Variants in FLNC observed in about 807,000 individuals in gnomAD.
The protein encoded by FLNC is filamin C.
Under a neutral mutation model 254.3 loss-of-function variants are expected in FLNC, and 91 were observed. The ratio of observed to expected loss-of-function variants is 0.36; its 90% CI spans 0.30 to 0.43. The LOEUF is 0.43. Ranked by LOEUF, FLNC falls within the 20% of genes least tolerant of loss-of-function variation. The pLI, the probability that FLNC is intolerant of heterozygous loss-of-function variation, is 1.00. For missense variants in FLNC, 2,853 were observed against 3,802.6 expected, an observed-to-expected ratio of 0.75 and a Z score of 6.57; for synonymous variants, 1,430 against 1,577.2, an observed-to-expected ratio of 0.91 and a Z score of 2.21.
chr7:128,855,016 C>A lies in FLNC; in HGVS notation c.7135+104C>A, dbSNP rs959893294. 3.1e-6 allele frequency: 4 copies of A among 1,270,710 alleles called. No homozygotes were observed. In the Admixed American group the frequency reaches 6.8e-5, roughly 21 times the overall value. The allele number at this position is 1,270,710 out of a possible 1,614,324, so 78.7% of individuals were successfully genotyped here. On this transcript the variant is annotated intron_variant, in intron 42 of 47. Transcript: ENST00000325888. ...ATGCTTGGGGCCACAGAACTCCCCTCCCCGGAGCCCCCTGCTCTTCCTCTG... is the reference window on the plus strand; with the variant it reads ...ATGCTTGGGGCCACAGAACTCCCCTACCCGGAGCCCCCTGCTCTTCCTCTG...
At position 128,841,540 on chromosome 7, in the gene FLNC, C is replaced by T. The variant is rs1585156683; in HGVS notation, c.2094C>T (p.Gly698=). Residue 698 remains glycine, a synonymous_variant, in exon 13 of 48, where the codon GGC becomes GGT. Coordinates refer to ENST00000325888, the MANE Select transcript of FLNC (RefSeq NM_001458.5). This position sits in a 1 kb window ranked among gnomAD's most constrained non-coding sequence, Gnocchi z 4.3. The part of the protein sequence containing the change: ...AEFTIDARAA[G]KGDLKLYAQD... ...TCACCATTGATGCTCGTGCAGCTGG[C>T]AAGGGAGACCTGAAGCTCTATGCCC... 1.9e-6 allele frequency: 3 copies of T among 1,613,922 alleles called. No individual in the cohort carries two copies. Among genetic ancestry groups the T allele is most frequent in the South Asian group, 1.1e-5 (1 of 91,084 alleles).
rs751370304 is a variant in FLNC, at chr7:128,841,712, G to A, written c.2121+145G>A. On this transcript the variant is annotated intron_variant, in intron 13 of 47. Transcript: ENST00000325888. The surrounding 1 kb of genome is among the most constrained non-coding windows in gnomAD (Gnocchi z 4.3). ...AGGACTGATACTCATGGGCCCATCA[G>A]TACCATGGAAAATTTTAAATTTTGT... 6.1e-5 allele frequency: 42 copies of A among 683,912 alleles called. No individual in the cohort carries two copies. The highest frequency in any genetic ancestry group is 1.0e-4 in the Admixed American group (4 of 39,718). The allele number at this position is 683,912 out of a possible 1,614,324, so 42.4% of individuals were successfully genotyped here.
rs372467579 is a variant in FLNC at position 128,844,166 on chromosome 7, C to A, written c.3092C>A (p.Pro1031Gln). ...GCCCAGGCTGTGCGCTACATGCCCC[C>A]GGAGGAGGGGCCCTACAAGGTGGAT... is the stretch of plus-strand genomic sequence containing the variant. ...AEAQAVRYMPPEEGPYKVDIT... is the reference protein window; with the variant it reads ...AEAQAVRYMPQEEGPYKVDIT... Residue 1031 changes from proline to glutamine, a missense_variant, in exon 20 of 48, where the codon CCG (proline) becomes CAG (glutamine). This residue lies in a region of FLNC where 1,573 missense variants were observed against 1,883.5 expected (regional missense o/e 0.84). Transcript: ENST00000325888. The A allele has an allele frequency of 1.2e-6, 2 of 1,613,758 alleles. No individual in the cohort carries two copies. The highest frequency in any genetic ancestry group is 1.3e-5 in the African/African-American group (1 of 74,944).
intron 26 of FLNC, 45 bp from the exon 27 acceptor site, chr7:128,848,516 C>G: frequency 6.2e-7 from 1 of 1,607,756 alleles, no homozygotes. Context: ...CCCACCGCCC[C>G]GTCCATGCCA....
At chr7:128,837,096 A>T in intron 2 of FLNC, 64 bp from the exon 3 acceptor site, 2 of 1,140,794 alleles carry the variant, frequency 1.8e-6, no homozygotes, top group Non-Finnish European at 2.6e-6. Context: ...TTGGGTGAAC[A>T]AATGCCCTGC....
rs773389369 is a variant in FLNC at position 128,840,533 on chromosome 7, C to G, written c.1550-15C>G. The G allele has an allele frequency of 6.2e-7, 1 of 1,614,124 alleles. No homozygotes were observed. The highest frequency in any genetic ancestry group is 8.5e-7 in the Non-Finnish European group (1 of 1,180,012). ...TTGATCTGCCTTCTTCCCCACCCTG[C>G]CCCCATCTCCTCAGAGGGCACAGAG... On this transcript the variant is annotated splice_polypyrimidine_tract_variant and intron_variant, in intron 9 of 47. Transcript: ENST00000325888.
At position 128,838,081 on chromosome 7, in the gene FLNC, C is replaced by T. The variant is rs1477732116; in HGVS notation, c.1047+17C>T. ...TTACACAAGGTATCTCCCTCTAGGC[C>T]CCCCTGCCTGCGCTGCTCTTCACAT... On this transcript the variant is annotated intron_variant, in intron 6 of 47. Coordinates refer to ENST00000325888, the MANE Select transcript of FLNC (RefSeq NM_001458.5). 1.2e-6 allele frequency: 2 copies of T among 1,605,232 alleles called. No individual in the cohort carries two copies. Among genetic ancestry groups the T allele is most frequent in the East Asian group, 2.2e-5 (1 of 44,830 alleles).
Position 128,843,265 on chromosome 7 carries a change from C to T in FLNC, c.2587C>T (p.Pro863Ser), listed in dbSNP as rs754750752. Residue 863 changes from proline (P) to serine (S), a missense_variant, in exon 17 of 48, where the codon CCA becomes TCA. Transcript: ENST00000325888. ...CAGCCCCTTCCACATCAAGGTGGACCCATCCCACGATGCCAGCAAAGTCAA... is the reference window on the plus strand; with the variant it reads ...CAGCCCCTTCCACATCAAGGTGGACTCATCCCACGATGCCAGCAAAGTCAA... Reference protein sequence around the residue: ...PASPFHIKVDPSHDASKVKAE... With the variant: ...PASPFHIKVDSSHDASKVKAE... 4.3e-6 allele frequency: 7 copies of T among 1,610,420 alleles called. No homozygotes were observed. In the East Asian group the frequency reaches 1.3e-4, roughly 31 times the overall value.
At chr7:128,846,970 A>T in intron 24 of FLNC, 65 bp downstream of exon 24, 3 of 1,586,780 alleles carry the variant, frequency 1.9e-6, no homozygotes, top group Non-Finnish European at 2.6e-6. Flanking sequence ...CTCGCCCCAC[A>T]AGGGGGAAAC....
rs1809164468 is a variant in FLNC, at chr7:128,858,458, A to C, written c.8113A>C (p.Ile2705Leu). ...CACTGTCAAGGAGAAAGGGGACTAC[A>C]TCCTCATTGTCAAGTGGGGTGACGA... ...TYTVKEKGDY[I>L]LIVKWGDESV... Residue 2705 changes from isoleucine to leucine, a missense_variant, in exon 48 of 48, where the codon ATC becomes CTC. Ile to Leu is a conservative substitution (Grantham distance 5, BLOSUM62 2). This residue lies in a region of FLNC where 197 missense variants were observed against 351.5 expected (regional missense o/e 0.56). Transcript: ENST00000325888. The surrounding 1 kb of genome is among the most constrained non-coding windows in gnomAD (Gnocchi z 6.7). 6.2e-7 allele frequency: 1 copy of C among 1,613,782 alleles called. No individual in the cohort carries two copies. Among genetic ancestry groups the C allele is most frequent in the Non-Finnish European group, 8.5e-7 (1 of 1,179,924 alleles).
At position 128,837,628 on chromosome 7, in the gene FLNC, G is replaced by C; in HGVS notation, c.851-9G>C. On this transcript the variant is annotated splice_polypyrimidine_tract_variant and intron_variant, in intron 4 of 47. Transcript: ENST00000325888. ...CCTGAGTAACCTGGGCTCTGCTCCT[G>C]CCCCGTAGGCATCGAGCCACAGGGC... 6.2e-7 allele frequency: 1 copy of C among 1,612,602 alleles called. No individual in the cohort carries two copies. The highest frequency in any genetic ancestry group is 8.5e-7 in the Non-Finnish European group (1 of 1,179,994).
At position 128,854,546 on chromosome 7, in the gene FLNC, G is replaced by A. The variant is rs773130088; in HGVS notation, c.6861G>A (p.Thr2287=). 1.7e-5 allele frequency: 28 copies of A among 1,607,668 alleles called. No individual in the cohort carries two copies. The highest frequency in any genetic ancestry group is 7.8e-5 in the South Asian group (7 of 90,090). Reference sequence around the variant, plus strand: ...TGCCCCAGGAAATGGGGCCCCATACGGTCGCTGTCAAGTACCGTGGCCAGC... The same window carrying A: ...TGCCCCAGGAAATGGGGCCCCATACAGTCGCTGTCAAGTACCGTGGCCAGC... The part of the protein sequence containing the change: ...RFVPQEMGPH[T]VAVKYRGQHV... Residue 2287 remains threonine (T), a synonymous_variant, in exon 41 of 48, where the codon ACG becomes ACA. Transcript: ENST00000325888.
rs1028509412 is a variant in FLNC at position 128,842,098 on chromosome 7, G to T, written c.2122-133G>T. The T allele has an allele frequency of 5.4e-6, 5 of 927,200 alleles. No individual in the cohort carries two copies. Among genetic ancestry groups the T allele is most frequent in the Non-Finnish European group, 8.4e-6 (5 of 594,052 alleles). The allele number at this position is 927,200 out of a possible 1,614,324, so 57.4% of individuals were successfully genotyped here. On this transcript the variant is annotated intron_variant, in intron 13 of 47. Transcript: ENST00000325888. The surrounding 1 kb of genome is among the most constrained non-coding windows in gnomAD (Gnocchi z 5.4). ...GAGCACGTGGCCCTGGGCTCTGGTG[G>T]CCTCAGTGGCTGGTGTGGGGGCGGG...
intron 31 of FLNC, 142 bp downstream of exon 31, chr7:128,850,216 C>A: frequency 1.1e-6 from 1 of 918,872 alleles, no homozygotes; most frequent in Non-Finnish European, 1.7e-6. Flanking sequence ...CAGATGGAAC[C>A]CCACTTGGGC....
At position 128,844,713 on chromosome 7, in the gene FLNC, T is replaced by G; in HGVS notation, c.3248T>G (p.Phe1083Cys). 6.2e-7 allele frequency: 1 copy of G among 1,613,710 alleles called. No homozygotes were observed. The highest frequency in any genetic ancestry group is 8.5e-7 in the Non-Finnish European group (1 of 1,179,958). ...GGACTGGTAGGCACCCCCGCGCCATTCTCCATCGACACCAAGGGGGCTGGC... is the reference window on the plus strand; with the variant it reads ...GGACTGGTAGGCACCCCCGCGCCATGCTCCATCGACACCAAGGGGGCTGGC... ...KGGLVGTPAP[F>C]SIDTKGAGTG... The change falls in exon 21 of 48, where the codon TTC (phenylalanine) becomes TGC (cysteine). Residue 1083 changes from phenylalanine to cysteine, a missense_variant. This residue lies in a region of FLNC where 1,573 missense variants were observed against 1,883.5 expected (regional missense o/e 0.84). Coordinates refer to ENST00000325888, the MANE Select transcript of FLNC (RefSeq NM_001458.5).
intron 2 of FLNC, 57 bp from the exon 3 acceptor site, chr7:128,837,103 C>A: frequency 8.2e-7 from 1 of 1,214,824 alleles, no homozygotes; most frequent in Non-Finnish European, 1.2e-6. Flanking sequence ...AACAAATGCC[C>A]TGCATCCTGG....
intron 1 of FLNC, among the ~76,000 whole-genome samples, chr7:128,834,112 C>T (rs1458376138): frequency 3.9e-5 from 6 of 152,166 alleles, no homozygotes; most frequent in African/African-American, 1.4e-4. Flanking sequence ...TCCACCCTCT[C>T]CCATCTCTCG....
intron 9 of FLNC, 127 bp from the exon 10 acceptor site, chr7:128,840,421 G>T (rs964019399): frequency 3.7e-5 from 47 of 1,278,392 alleles, no homozygotes; most frequent in Non-Finnish European, 5.0e-5. Flanking sequence ...CTGAGTTGCA[G>T]CACTGCTCAC....
Position 128,835,342 on chromosome 7 carries a change from G to A in FLNC, c.369G>A (p.Val123=). The A allele has an allele frequency of 1.2e-6, 2 of 1,613,840 alleles. No homozygotes were observed. Among genetic ancestry groups the A allele is most frequent in the Non-Finnish European group, 1.7e-6 (2 of 1,180,014 alleles). Residue 123 remains valine (V), a synonymous_variant, in exon 2 of 48, where the codon GTG becomes GTA. Transcript: ENST00000325888. The surrounding 1 kb of genome is among the most constrained non-coding windows in gnomAD (Gnocchi z 5.3). ...CCTCTGCAGACAGCAAGGCCATCGT[G>A]GATGGGAACCTGAAGCTGATCCTGG... The part of the protein sequence containing the change: ...KLVSIDSKAI[V]DGNLKLILGL...
Sources: gnomAD v4.1 joint callset for allele counts (sites outside exome capture counted in the v4.1 genomes callset) on GRCh38, gnomAD v4.1.1 for gene constraint, gnomAD v4.1.1 regional missense constraint, Gnocchi (gnomAD v3.1) non-coding constraint, MANE v1.5 for transcripts, NCBI Gene and HGNC (gene_info 2026-07-23, HGNC 2026-07-21) for gene names.